The following ARMC2 variants were observed in gnomAD, a reference collection of about 807,000 sequenced individuals.
ARMC2 encodes the protein armadillo repeat-containing protein 2.
In ARMC2, 67 loss-of-function variants were observed where a neutral mutation model predicts 90.3. That is an observed-to-expected ratio of 0.74 (90% CI 0.61 to 0.91). ARMC2 has a LOEUF of 0.91. Ranked by LOEUF, ARMC2 falls within the 40% of genes least tolerant of loss-of-function variation. ARMC2 has a pLI of 0.00. For missense variants in ARMC2, 920 were observed against 1,030.9 expected (o/e 0.89, Z 1.47); for synonymous variants, 393 against 393.0 (o/e 1.00, Z 0.00).
chr6:108,904,463 G>T, intron 8 of ARMC2, 58 bp downstream of exon 8: 1 of 1,418,948 alleles, frequency 7.0e-7, no homozygotes, highest in Non-Finnish European at 9.5e-7. Flanking sequence ...TTTGTTTAAT[G>T]CTTTATTTTT....
chr6:108,886,506 G>A (rs1236177748), intron 5 of ARMC2, among the ~76,000 whole-genome samples: 1 of 152,210 alleles, frequency 6.6e-6, no homozygotes, highest in Non-Finnish European at 1.5e-5. Flanking sequence ...GGGAGGTGGA[G>A]GTTGCAGTGA....
intron 7 of ARMC2, among the ~76,000 whole-genome samples, chr6:108,901,543 G>C (rs1399764092): frequency 6.6e-6 from 1 of 151,854 alleles, no homozygotes; most frequent in East Asian, 1.9e-4. Flanking sequence ...TGCTTCCTCA[G>C]TGGCTGGGAT....
At chr6:108,863,206 A>G (rs1177700260) in intron 3 of ARMC2, among the ~76,000 whole-genome samples, 1 of 152,100 alleles carries the variant, frequency 6.6e-6, no homozygotes, top group Non-Finnish European at 1.5e-5. Flanking sequence ...GTTCAATGAC[A>G]TGATCTTGGC....
chr6:108,895,098 A>G (rs1157592663), intron 6 of ARMC2, among the ~76,000 whole-genome samples: 1 of 151,530 alleles, frequency 6.6e-6, no homozygotes, highest in Non-Finnish European at 1.5e-5. Flanking sequence ...TATAGAAATC[A>G]TTTTGTAAAA....
the ARMC2 span, among the ~76,000 whole-genome samples, chr6:108,985,264 A>T: frequency 6.6e-6 from 1 of 151,462 alleles, no homozygotes; most frequent in Non-Finnish European, 1.5e-5. Flanking sequence ...CTAATAAAAA[A>T]TTTTCCCAAA....
intron 3 of ARMC2, among the ~76,000 whole-genome samples, chr6:108,865,924 G>T (rs1042899043): frequency 6.6e-6 from 1 of 151,568 alleles, no homozygotes; most frequent in East Asian, 1.9e-4. Context: ...GGCTGAGGCT[G>T]GAGAATTGCA....
In ARMC2 at chr6:108,848,453, C is replaced by G. The variant is rs982926872; in HGVS notation, c.-137C>G. On this transcript the variant is annotated 5_prime_UTR_variant, in exon 1 of 18. Transcript: ENST00000392644. ...CGAGCGGCGTCGTGGGGTTACCCCG[C>G]CCGCGCCAGCGCTGCATCCCTGGCC... 2.0e-5 allele frequency: 3 copies of G among 152,332 alleles called. No individual in the cohort carries two copies. The highest frequency in any genetic ancestry group is 4.4e-5 in the Non-Finnish European group (3 of 68,106). 9.4% of individuals were successfully genotyped at this position (152,332 alleles called of 1,614,324 possible).
At chr6:109,024,621 T>A in the ARMC2 span, among the ~76,000 whole-genome samples, 1 of 152,202 alleles carries the variant, frequency 6.6e-6, no homozygotes, top group Non-Finnish European at 1.5e-5. Flanking sequence ...AAAAAATGCA[T>A]TTAATACACC....
At chr6:108,966,089 A>G (rs1466274068) in intron 17 of ARMC2, among the ~76,000 whole-genome samples, 1 of 145,570 alleles carries the variant, frequency 6.9e-6, no homozygotes, top group African/African-American at 2.6e-5. Flanking sequence ...GAGGAGATGT[A>G]CCCATCACTG....
At chr6:108,946,620 C>T (rs914324553) in intron 12 of ARMC2, among the ~76,000 whole-genome samples, 6 of 152,270 alleles carry the variant, frequency 3.9e-5, no homozygotes, top group Non-Finnish European at 2.9e-5. Flanking sequence ...CTCTCAGGCA[C>T]GAGAAGTTTG....
intron 5 of ARMC2, among the ~76,000 whole-genome samples, chr6:108,889,702 G>T (rs1195097972): frequency 6.6e-6 from 1 of 151,546 alleles, no homozygotes; most frequent in Non-Finnish European, 1.5e-5. Flanking sequence ...TCTCACCTAG[G>T]CCTCCCAAAG....
Position 108,953,098 on chromosome 6 carries a change from A to G in ARMC2, c.1662A>G (p.Glu554=), listed in dbSNP as rs1777307904. The change falls in exon 13 of 18, where the codon GAA becomes GAG. Residue 554 remains glutamate (E), a synonymous_variant. Coordinates refer to ENST00000392644, the MANE Select transcript of ARMC2 (RefSeq NM_032131.6). ...NLTAKNNQAR[E]QFSKEKGSIQ... is the part of the protein sequence containing the mutation. Reference sequence around the variant, plus strand: ...CGGCAAAAAATAACCAGGCTCGTGAACAATTTTCCAAAGAGAAAGGGAGCA... The same window carrying G: ...CGGCAAAAAATAACCAGGCTCGTGAGCAATTTTCCAAAGAGAAAGGGAGCA... 6.2e-7 allele frequency: 1 copy of G among 1,613,930 alleles called. No individual in the cohort carries two copies. Among genetic ancestry groups the G allele is most frequent in the Non-Finnish European group, 8.5e-7 (1 of 1,179,854 alleles).
chr6:109,051,389 T>C, the ARMC2 span, among the ~76,000 whole-genome samples: 1 of 152,216 alleles, frequency 6.6e-6, no homozygotes, highest in Non-Finnish European at 1.5e-5. Context: ...ATTTTTAACA[T>C]AAAAGGAGTT....
At chr6:108,849,245 CTTTAA>C (rs1773757879) in intron 1 of ARMC2, among the ~76,000 whole-genome samples, 2 of 152,156 alleles carry the variant, frequency 1.3e-5, no homozygotes, top group East Asian at 3.8e-4. Context: ...AATAATTATA[CTTTAA>C]TTTGGTTGAA....
chr6:109,018,509 A>C, the ARMC2 span, among the ~76,000 whole-genome samples: 1 of 152,232 alleles, frequency 6.6e-6, no homozygotes, highest in Admixed American at 6.5e-5. Context: ...GGAGAGGCTC[A>C]GGCACATTTG....
downstream of ARMC2, among the ~76,000 whole-genome samples, chr6:108,977,204 G>C (rs1028707490): frequency 6.9e-6 from 1 of 144,172 alleles, no homozygotes; most frequent in African/African-American, 2.8e-5. Flanking sequence ...AGGGTTTTTA[G>C]CATGAAGGCT....
At chr6:108,878,359 G>C (rs964334061) in intron 5 of ARMC2, among the ~76,000 whole-genome samples, 1 of 152,184 alleles carries the variant, frequency 6.6e-6, no homozygotes, top group African/African-American at 2.4e-5. Flanking sequence ...GGGTTGAGAA[G>C]GAGTGTGTAA....
the ARMC2 span, among the ~76,000 whole-genome samples, chr6:109,016,060 C>T: frequency 6.6e-6 from 1 of 152,086 alleles, no homozygotes; most frequent in Non-Finnish European, 1.5e-5. Flanking sequence ...TATCCTGAAC[C>T]CACAGACTTA....
the ARMC2 span, chr6:108,986,344 A>T: frequency 6.6e-6 from 1 of 152,446 alleles, no homozygotes; most frequent in Non-Finnish European, 1.5e-5. Context: ...TTGCCATTTA[A>T]GTGTGAATGT....
Sources: gnomAD v4.1 joint callset for allele counts (sites outside exome capture counted in the v4.1 genomes callset) on GRCh38, gnomAD v4.1.1 for gene constraint, MANE v1.5 for transcripts, NCBI Gene and HGNC (gene_info 2026-07-23, HGNC 2026-07-21) for gene names.